Variants in WWOX observed in about 807,000 individuals in gnomAD.
WWOX encodes WW domain containing oxidoreductase, also known as WW domain-containing oxidoreductase.
WWOX carries 69 observed loss-of-function variants against 46.2 expected under a neutral mutation model. The observed-to-expected ratio is 1.49, with a 90% confidence interval of 1.23 to 1.82. WWOX has a LOEUF of 1.82. Ranked by LOEUF, WWOX falls within the 40% of genes most tolerant of loss-of-function variation. WWOX has a pLI of 0.00. For synonymous variants in WWOX, 359 were observed against 202.6 expected, an observed-to-expected ratio of 1.77 and a Z score of -6.56; for missense variants, 919 against 542.6, an observed-to-expected ratio of 1.69 and a Z score of -6.89.
intron 8 of WWOX, among the ~76,000 whole-genome samples, chr16:78,857,377 T>G (rs1351524244): frequency 6.6e-6 from 1 of 152,206 alleles, no homozygotes. Flanking sequence ...GGTGAGCATG[T>G]AAGTATAAAA....
At position 79,161,123 on chromosome 16, in the gene WWOX, C is replaced by A. The variant is rs1025425643; in HGVS notation, c.1057-50485C>A. Among the ~76,000 whole-genome samples, 7 of 152,168 alleles carry A rather than the reference C, an allele frequency of 4.6e-5. No individual in the cohort carries two copies. In the East Asian group the frequency reaches 1.3e-3, roughly 29 times the overall value. ...ACACAGACCTCATGAAATAGGTTTG[C>A]CATGGATTAGATAAGGCAATTCTGG... On this transcript the variant is annotated intron_variant, in intron 8 of 8. Coordinates refer to ENST00000566780, the MANE Select transcript of WWOX (RefSeq NM_016373.4).
At chr16:78,582,646 T>C (rs1597303630) in intron 8 of WWOX, among the ~76,000 whole-genome samples, 1 of 152,214 alleles carries the variant, frequency 6.6e-6, no homozygotes, top group East Asian at 1.9e-4. Flanking sequence ...CTTAGCCCGA[T>C]ACCTCTATCT....
chr16:78,449,076 C>G (rs904904537), intron 8 of WWOX, among the ~76,000 whole-genome samples: 1 of 152,108 alleles, frequency 6.6e-6, no homozygotes, highest in African/African-American at 2.4e-5. Flanking sequence ...GTAACAATCT[C>G]AAGACTCAGC....
At position 78,339,731 on chromosome 16, in the gene WWOX, G is replaced by C. The variant is rs1254256300; in HGVS notation, c.517-47129G>C. 1.7e-5 allele frequency among the ~76,000 whole-genome samples: 2 copies of C among 118,170 alleles called. 1 individual carries two copies. Among genetic ancestry groups the C allele is most frequent in the Non-Finnish European group, 4.0e-5 (2 of 49,744 alleles). The allele number at this position is 118,170 out of a possible 152,430, so 77.5% of individuals were successfully genotyped here. ...GATTTAAAATCAATTTTGCTTCAGA[G>C]TTTTAAATTCTATTTTGTGGCTTTC... On this transcript the variant is annotated intron_variant, in intron 5 of 8. Coordinates refer to ENST00000566780, the MANE Select transcript of WWOX (RefSeq NM_016373.4).
chr16:78,925,075 G>A (rs1476845439), intron 8 of WWOX, among the ~76,000 whole-genome samples: 4 of 152,134 alleles, frequency 2.6e-5, no homozygotes, highest in Non-Finnish European at 5.9e-5. Context: ...TGTGCCTGTA[G>A]TCCCAGTTAC....
At chr16:78,108,681 C>T (rs547451046) in intron 2 of WWOX, among the ~76,000 whole-genome samples, 194 bp downstream of exon 2, 59 of 152,292 alleles carry the variant, frequency 3.9e-4, no homozygotes, top group African/African-American at 1.3e-3. Context: ...AGGATGATTT[C>T]TTACTGGTCT....
intron 8 of WWOX, among the ~76,000 whole-genome samples, chr16:79,031,297 G>T (rs185207421): frequency 5.3e-4 from 80 of 152,184 alleles, no homozygotes; most frequent in African/African-American, 1.9e-3. Flanking sequence ...GACTCCCTGG[G>T]GAGCACTGTT....
At chr16:78,322,296 A>C (rs1165897079) in intron 5 of WWOX, among the ~76,000 whole-genome samples, 1 of 152,110 alleles carries the variant, frequency 6.6e-6, no homozygotes, top group Non-Finnish European at 1.5e-5. Flanking sequence ...GCCAGCATTA[A>C]GGGGAAAAAA....
chr16:78,582,797 C>T (rs2045095315), intron 8 of WWOX, among the ~76,000 whole-genome samples: 1 of 152,112 alleles, frequency 6.6e-6, no homozygotes, highest in Non-Finnish European at 1.5e-5. Flanking sequence ...CTTATTCCAC[C>T]CTTTGATTGC....
chr16:78,330,762 T>C lies in WWOX; in HGVS notation c.517-56098T>C, dbSNP rs546048467. Among the ~76,000 whole-genome samples, 79 of 152,354 alleles carry C rather than the reference T, an allele frequency of 5.2e-4. 1 individual carries two copies. Among genetic ancestry groups the C allele is most frequent in the African/African-American group, 1.8e-3 (75 of 41,588 alleles). ...TGAACATGTCAGTGAAGTTTAAATA[T>C]TCATCTCACTTCTTTCAGTCACCCT... is the stretch of plus-strand genomic sequence containing the variant. On this transcript the variant is annotated intron_variant, in intron 5 of 8. Coordinates refer to ENST00000566780, the MANE Select transcript of WWOX (RefSeq NM_016373.4).
At chr16:78,730,617 A>ATTTTTTTTTTTTTTTT (rs536906826) in intron 8 of WWOX, among the ~76,000 whole-genome samples, 2 of 123,062 alleles carry the variant, frequency 1.6e-5, no homozygotes, top group African/African-American at 5.9e-5. Context: ...ACGCCCGGCA[A>ATTTTTTTTTTTTTTTT]TTTTTTTTTT....
intron 8 of WWOX, among the ~76,000 whole-genome samples, chr16:79,008,705 A>G (rs1284657727): frequency 6.6e-6 from 1 of 152,148 alleles, no homozygotes; most frequent in African/African-American, 2.4e-5. Flanking sequence ...CACTCCCTCC[A>G]GCACCTGGCC....
intron 8 of WWOX, among the ~76,000 whole-genome samples, chr16:78,993,620 A>G (rs151107352): frequency 3.8e-4 from 58 of 152,298 alleles, no homozygotes; most frequent in African/African-American, 1.3e-3. Context: ...GCGGCTTGGC[A>G]TGCTGCTCCA....
chr16:79,126,521 G>A lies in WWOX; in HGVS notation c.1057-85087G>A, dbSNP rs545139705. 1.2e-4 allele frequency among the ~76,000 whole-genome samples: 18 copies of A among 152,276 alleles called. No homozygotes were observed. In the East Asian group the frequency reaches 2.9e-3, roughly 25 times the overall value. ...TGTTCATTCTCCCTCCTGCCGCCTT[G>A]TGAAGAAGGTTCTTGCTTCCCCTTC... On this transcript the variant is annotated intron_variant, in intron 8 of 8. Coordinates refer to ENST00000566780, the MANE Select transcript of WWOX (RefSeq NM_016373.4).
intron 8 of WWOX, among the ~76,000 whole-genome samples, chr16:78,647,224 C>T (rs1386522273): frequency 1.3e-5 from 2 of 152,128 alleles, no homozygotes; most frequent in Non-Finnish European, 2.9e-5. Context: ...GATCTCAGAA[C>T]ACATGGATCA....
intron 8 of WWOX, chr16:78,825,494 A>G (rs1299492472): frequency 4.2e-6 from 2 of 471,302 alleles, no homozygotes; most frequent in African/African-American, 4.0e-5. Context: ...TGACTGCTGT[A>G]GTTCAGAAGA....
intron 8 of WWOX, among the ~76,000 whole-genome samples, chr16:78,550,197 A>G (rs2044141850): frequency 6.6e-6 from 1 of 152,222 alleles, no homozygotes; most frequent in South Asian, 2.1e-4. Flanking sequence ...TTCTCACTGG[A>G]TCATTCCATT....
At chr16:78,987,037 C>T (rs1272014044) in intron 8 of WWOX, among the ~76,000 whole-genome samples, 2 of 151,982 alleles carry the variant, frequency 1.3e-5, no homozygotes. Flanking sequence ...GGAAATGATC[C>T]TAGGGCTTTC....
chr16:79,005,025 G>A (rs909843129), intron 8 of WWOX, among the ~76,000 whole-genome samples: 2 of 152,126 alleles, frequency 1.3e-5, no homozygotes, highest in African/African-American at 4.8e-5. Flanking sequence ...GAAGGAAGAG[G>A]AAAAAGCACA....
Sources: gnomAD v4.1 joint callset for allele counts (sites outside exome capture counted in the v4.1 genomes callset) on GRCh38, gnomAD v4.1.1 for gene constraint, MANE v1.5 for transcripts, NCBI Gene and HGNC (gene_info 2026-07-23, HGNC 2026-07-21) for gene names.